Variants in INTS10 observed in about 807,000 individuals in gnomAD.
INTS10 encodes the protein integrator complex subunit 10.
A neutral mutation model predicts 94.4 loss-of-function variants in INTS10; 44 were observed. The observed-to-expected ratio is 0.47, with a 90% CI of 0.37 to 0.60. The LOEUF (loss-of-function observed/expected upper bound fraction) is 0.60. Among genes scored for constraint, INTS10 ranks in the 20% least tolerant of loss-of-function variants. INTS10 has a pLI of 0.00. For synonymous variants in INTS10, 341 were observed against 320.7 expected, an observed-to-expected ratio of 1.06 and a Z score of -0.68; for missense variants, 797 against 868.7, an observed-to-expected ratio of 0.92 and a Z score of 1.04.
intron 13 of INTS10, chr8:19,841,693 G>C (rs2128801615): frequency 2.5e-6 from 1 of 403,562 alleles, no homozygotes; most frequent in Middle Eastern, 3.6e-4. Context: ...GGTGTATAAA[G>C]TCATGCAACC....
At chr8:19,838,273 T>C (rs1366945250) in intron 13 of INTS10, among the ~76,000 whole-genome samples, 1 of 151,956 alleles carries the variant, frequency 6.6e-6, no homozygotes, top group Non-Finnish European at 1.5e-5. Context: ...GGAGAAGCAT[T>C]TGAACCTGAG....
At chr8:19,833,136 C>A in intron 11 of INTS10, 33 bp from the exon 12 acceptor site, 1 of 1,494,906 alleles carries the variant, frequency 6.7e-7, no homozygotes. Context: ...AACAGCGATG[C>A]TTTTCCCCTC....
chr8:19,839,967 G>T (rs1389451574), intron 13 of INTS10, among the ~76,000 whole-genome samples: 1 of 150,846 alleles, frequency 6.6e-6, no homozygotes, highest in African/African-American at 2.4e-5. Flanking sequence ...GGAGGTTGAG[G>T]TGGGAGAATC....
chr8:19,851,139 G>A lies in INTS10; in HGVS notation c.1977-510G>A, dbSNP rs1375614815. 1.3e-5 allele frequency among the ~76,000 whole-genome samples: 2 copies of A among 152,154 alleles called. No individual in the cohort carries two copies. Among genetic ancestry groups the A allele is most frequent in the African/African-American group, 2.4e-5 (1 of 41,434 alleles). On this transcript the variant is annotated intron_variant, in intron 16 of 16. Coordinates refer to ENST00000397977, the MANE Select transcript of INTS10 (RefSeq NM_018142.4). This position sits in a 1 kb window ranked among gnomAD's most constrained non-coding sequence, Gnocchi z 5.0. ...GGGAGAGAGACGTGCTTGTGACCCCGGCTGTGCAGGAGCCCTGAACCTTTC... is the reference window on the plus strand; with the variant it reads ...GGGAGAGAGACGTGCTTGTGACCCCAGCTGTGCAGGAGCCCTGAACCTTTC...
chr8:19,817,734 T>G (rs891653576), intron 1 of INTS10, 68 bp downstream of exon 1: 3 of 1,541,698 alleles, frequency 1.9e-6, no homozygotes, highest in Admixed American at 1.9e-5. Flanking sequence ...CGGGCTGCCC[T>G]GGCCCAGAGC....
intron 13 of INTS10, chr8:19,841,706 TC>T: frequency 2.4e-6 from 1 of 414,952 alleles, no homozygotes; most frequent in Non-Finnish European, 4.8e-6. Context: ...ATGCAACCAT[TC>T]TGGAAACCAA....
intron 16 of INTS10, among the ~76,000 whole-genome samples, chr8:19,850,881 A>AT (rs1177281248): frequency 6.6e-6 from 1 of 151,976 alleles, no homozygotes; most frequent in East Asian, 1.9e-4. Context: ...GTTAAGAGAC[A>AT]TTTTTCCCTG....
chr8:19,835,262 A>G (rs972881807), intron 12 of INTS10, among the ~76,000 whole-genome samples: 5 of 152,060 alleles, frequency 3.3e-5, no homozygotes, highest in African/African-American at 1.2e-4. Context: ...CAACCCTATA[A>G]AATTATAATC....
chr8:19,822,381 A>G (rs1404195386), intron 4 of INTS10, 58 bp from the exon 5 acceptor site: 1 of 998,348 alleles, frequency 1.0e-6, no homozygotes, highest in Middle Eastern at 2.2e-4. Flanking sequence ...ATTACTTCAT[A>G]TAGTTCTGAC....
intron 5 of INTS10, 101 bp downstream of exon 5, chr8:19,822,621 T>TA: frequency 1.4e-6 from 1 of 692,046 alleles, no homozygotes; most frequent in Non-Finnish European, 2.4e-6. Context: ...AAAGGAGCTT[T>TA]ATGTGTTATG....
intron 9 of INTS10, among the ~76,000 whole-genome samples, chr8:19,827,714 T>G (rs1163693552): frequency 2.0e-5 from 3 of 152,180 alleles, no homozygotes; most frequent in Non-Finnish European, 4.4e-5. Flanking sequence ...AGCCCTGTTC[T>G]CATAACCTGG....
At chr8:19,833,795 G>A (rs572356149) in intron 12 of INTS10, among the ~76,000 whole-genome samples, 2 of 152,124 alleles carry the variant, frequency 1.3e-5, no homozygotes, top group Admixed American at 6.5e-5. Flanking sequence ...ATCACCTGAG[G>A]TCAGGAGTTT....
At chr8:19,838,124 G>T (rs974365089) in intron 13 of INTS10, among the ~76,000 whole-genome samples, 1 of 152,192 alleles carries the variant, frequency 6.6e-6, no homozygotes, top group Non-Finnish European at 1.5e-5. Flanking sequence ...GGGAAGCCAA[G>T]GATGGCAGAT....
intron 16 of INTS10, among the ~76,000 whole-genome samples, chr8:19,850,310 G>A (rs986634449): frequency 2.0e-5 from 3 of 152,038 alleles, no homozygotes; most frequent in African/African-American, 4.8e-5. Context: ...CTATCCTAGC[G>A]GGACCTCACC....
In INTS10 at chr8:19,826,533, C is replaced by A; in HGVS notation, c.1114C>A (p.Leu372Ile). 6.2e-7 allele frequency: 1 copy of A among 1,612,238 alleles called. No homozygotes were observed. Residue 372 changes from leucine (L) to isoleucine (I), a missense_variant, in exon 9 of 17, where the codon CTA becomes ATA. Leu to Ile is a conservative substitution (Grantham distance 5). Coordinates refer to ENST00000397977, the MANE Select transcript of INTS10 (RefSeq NM_018142.4). ...TAAACACATCCATAAAAAGAGGAAA[C>A]TAGCTGAAGGAAGAGAAAAAACCAT... The part of the protein sequence containing the change: ...RNKHIHKKRK[L>I]AEGREKTMSS...
intron 9 of INTS10, among the ~76,000 whole-genome samples, chr8:19,829,214 T>A (rs761480935): frequency 4.6e-5 from 7 of 152,166 alleles, no homozygotes; most frequent in Non-Finnish European, 8.8e-5. Flanking sequence ...ATACATGTAG[T>A]TGCACATATT....
chr8:19,834,140 C>T (rs1233291483), intron 12 of INTS10, among the ~76,000 whole-genome samples: 1 of 152,150 alleles, frequency 6.6e-6, no homozygotes, highest in Non-Finnish European at 1.5e-5. Context: ...CTCATGACAC[C>T]TACCACAGTA....
intron 13 of INTS10, among the ~76,000 whole-genome samples, chr8:19,838,115 G>A (rs551650940): frequency 2.0e-5 from 3 of 152,242 alleles, no homozygotes; most frequent in Admixed American, 1.3e-4. Context: ...CAGCATTTTG[G>A]GAAGCCAAGG....
chr8:19,829,072 G>A (rs993752457), intron 9 of INTS10, among the ~76,000 whole-genome samples: 2 of 152,036 alleles, frequency 1.3e-5, no homozygotes, highest in Non-Finnish European at 2.9e-5. Flanking sequence ...ATGAGCTTGA[G>A]GATTGGAGCT....
Sources: gnomAD v4.1 joint callset for allele counts (sites outside exome capture counted in the v4.1 genomes callset) on GRCh38, gnomAD v4.1.1 for gene constraint, Gnocchi (gnomAD v3.1) non-coding constraint, MANE v1.5 for transcripts, NCBI Gene and HGNC (gene_info 2026-07-23, HGNC 2026-07-21) for gene names.